TANGO6: variants seen among roughly 807,000 people sequenced by gnomAD.
The protein encoded by TANGO6 is transport and Golgi organization protein 6 homolog.
In TANGO6, 90 loss-of-function variants were observed where a neutral mutation model predicts 114.2. The ratio of observed to expected loss-of-function variants is 0.79; its 90% CI spans 0.66 to 0.94. The LOEUF (loss-of-function observed/expected upper bound fraction) is 0.94. TANGO6 is among the 40% of genes least tolerant of loss of function. The probability of loss-of-function intolerance (pLI) is 0.00; values close to 1 mark genes in which losing one functional copy is unlikely to be tolerated. For synonymous variants in TANGO6, 477 were observed against 509.8 expected (o/e 0.94, Z 0.87); for missense variants, 1,274 against 1,315.3 (o/e 0.97, Z 0.49).
chr16:68,868,187 A>G (rs1430031988), intron 4 of TANGO6, among the ~76,000 whole-genome samples: 1 of 151,908 alleles, frequency 6.6e-6, no homozygotes, highest in Non-Finnish European at 1.5e-5. Context: ...ATTTTCTTGA[A>G]GCCAGAAATA....
At chr16:69,063,674 A>AG (rs1960165641) in intron 17 of TANGO6, among the ~76,000 whole-genome samples, 1 of 147,756 alleles carries the variant, frequency 6.8e-6, no homozygotes, top group Admixed American at 6.8e-5. Flanking sequence ...AAAAAAACAA[A>AG]GTTCTTTGGG....
intron 9 of TANGO6, among the ~76,000 whole-genome samples, chr16:68,904,005 T>A (rs1279772162): frequency 6.6e-6 from 1 of 152,224 alleles, no homozygotes; most frequent in Non-Finnish European, 1.5e-5. Context: ...TTTTTACTTT[T>A]CTGGAATTAA....
chr16:68,973,995 TA>T, intron 14 of TANGO6, 32 bp from the exon 15 acceptor site: 1 of 1,572,142 alleles, frequency 6.4e-7, no homozygotes, highest in Non-Finnish European at 8.6e-7. Context: ...TCGTAAACAG[TA>T]ATGAATCCTT....
At chr16:69,064,227 C>A (rs1960181460) in intron 17 of TANGO6, among the ~76,000 whole-genome samples, 1 of 152,150 alleles carries the variant, frequency 6.6e-6, no homozygotes, top group Non-Finnish European at 1.5e-5. Flanking sequence ...CAAACCCTTA[C>A]CAGAGCCTCT....
In TANGO6 at chr16:69,022,912, G is replaced by A. The variant is rs1304794307; in HGVS notation, c.2927G>A (p.Ser976Asn). 10 of 1,602,486 alleles carry A rather than the reference G, an allele frequency of 6.2e-6. No individual in the cohort carries two copies. Among genetic ancestry groups the A allele is most frequent in the African/African-American group, 5.3e-5 (4 of 74,774 alleles). ...GATCCTGATGGTGCTCACAGGGCCA[G>A]CAGCTTGGCCAACCTTGGGGAGCTG... ...VRDPDGAHRA[S>N]SLANLGELCQ... Residue 976 changes from serine to asparagine, a missense_variant, in exon 16 of 18, where the codon AGC becomes AAC. Coordinates refer to ENST00000261778, the MANE Select transcript of TANGO6 (RefSeq NM_024562.2).
intron 15 of TANGO6, among the ~76,000 whole-genome samples, chr16:68,978,590 A>G (rs537045199): frequency 6.6e-6 from 1 of 152,254 alleles, no homozygotes; most frequent in African/African-American, 2.4e-5. Flanking sequence ...AACATAGCCA[A>G]TATTCTTTGT....
chr16:68,919,267 G>A (rs532221912), intron 12 of TANGO6, 48 bp downstream of exon 12: 15 of 1,592,748 alleles, frequency 9.4e-6, no homozygotes, highest in African/African-American at 5.4e-5. Context: ...AGGGAGAAGC[G>A]AAATACCAGT....
chr16:68,886,491 C>T (rs1015802574), intron 7 of TANGO6, among the ~76,000 whole-genome samples: 5 of 151,722 alleles, frequency 3.3e-5, no homozygotes, highest in South Asian at 2.1e-4. Flanking sequence ...TCCTCCTCAC[C>T]GATCTCATCT....
chr16:69,013,632 A>C (rs1257548195), intron 15 of TANGO6, among the ~76,000 whole-genome samples: 2 of 150,450 alleles, frequency 1.3e-5, no homozygotes, highest in East Asian at 3.9e-4. Flanking sequence ...AAAAAAAAAA[A>C]AGGCGGGGTT....
At chr16:68,864,158 G>C (rs1962142428) in intron 3 of TANGO6, among the ~76,000 whole-genome samples, 1 of 146,990 alleles carries the variant, frequency 6.8e-6, no homozygotes, top group African/African-American at 2.6e-5. Flanking sequence ...TGGGCAACAA[G>C]AGCAAAACTC....
intron 17 of TANGO6, among the ~76,000 whole-genome samples, chr16:69,065,468 C>T (rs986557556): frequency 2.6e-5 from 4 of 152,184 alleles, no homozygotes; most frequent in Admixed American, 6.6e-5. Context: ...AAATATTTCT[C>T]CCTTTTTCTC....
In TANGO6 at chr16:68,928,001, G is replaced by T. The variant is rs533793149; in HGVS notation, c.2561G>T (p.Arg854Leu). Residue 854 changes from arginine (R) to leucine (L), a missense_variant, in exon 13 of 18, where the codon CGG becomes CTG. Around this residue, in one of 5 missense-constraint regions of TANGO6, gnomAD observed 908 missense variants for 910.2 expected, o/e 1.00. Coordinates refer to ENST00000261778, the MANE Select transcript of TANGO6 (RefSeq NM_024562.2). ...GCTTATGACCCTCAAATTCCAACAC[G>T]GGCTGCTGCCCTGCGTACTCTTTCC... ...LSAYDPQIPT[R>L]AAALRTLSHW... 1.9e-6 allele frequency: 3 copies of T among 1,611,776 alleles called. No individual in the cohort carries two copies. Among genetic ancestry groups the T allele is most frequent in the Non-Finnish European group, 2.5e-6 (3 of 1,179,008 alleles).
At chr16:68,878,089 G>T in intron 5 of TANGO6, 29 bp from the exon 6 acceptor site, 1 of 1,585,320 alleles carries the variant, frequency 6.3e-7, no homozygotes, top group Non-Finnish European at 8.6e-7. Flanking sequence ...GCAAAAAACT[G>T]GTATTTACTT....
rs773762965 is a variant in TANGO6 at position 68,909,393 on chromosome 16, C to T, written c.1983C>T (p.Asn661=). 1.1e-5 allele frequency: 17 copies of T among 1,535,254 alleles called. No homozygotes were observed. The highest frequency in any genetic ancestry group is 6.0e-5 in the Admixed American group (3 of 50,024). ...CERMSEQIFT[N]VTQVVDFVAA... The stretch of plus-strand genomic sequence containing the variant: ...GAATGTCTGAGCAGATATTCACAAA[C>T]GTCACTCAGGTCAGTAGTTGCCACA... Residue 661 remains asparagine (N), a synonymous_variant, in exon 11 of 18, where the codon AAC becomes AAT. Coordinates refer to ENST00000261778, the MANE Select transcript of TANGO6 (RefSeq NM_024562.2).
intron 16 of TANGO6, among the ~76,000 whole-genome samples, chr16:69,030,779 C>T (rs550584519): frequency 3.3e-5 from 5 of 152,006 alleles, no homozygotes; most frequent in African/African-American, 1.2e-4. Flanking sequence ...GGGCCGGGCG[C>T]GGTGGCTCAC....
chr16:68,900,544 A>G lies in TANGO6; in HGVS notation c.1488A>G (p.Ile496Met). Residue 496 changes from isoleucine (I) to methionine (M), a missense_variant and splice_region_variant, in exon 8 of 18, where the codon ATA (isoleucine) becomes ATG (methionine). Physicochemically the swap from Ile to Met is conservative, Grantham distance 10 (BLOSUM62 1). Transcript: ENST00000261778. ...TTACTAAGCAGAGTGTGTCTCACATAAGGTAAACAATCAAGGGACCCTTAT... is the reference window on the plus strand; with the variant it reads ...TTACTAAGCAGAGTGTGTCTCACATGAGGTAAACAATCAAGGGACCCTTAT... ...YCFTKQSVSHIRSLCQEILLW... is the reference protein window; with the variant it reads ...YCFTKQSVSHMRSLCQEILLW... 2 of 1,607,542 alleles carry G rather than the reference A, an allele frequency of 1.2e-6. No homozygotes were observed. Among genetic ancestry groups the G allele is most frequent in the South Asian group, 2.2e-5 (2 of 90,206 alleles).
intron 16 of TANGO6, among the ~76,000 whole-genome samples, chr16:69,038,395 A>C (rs1417917429): frequency 6.6e-6 from 1 of 151,824 alleles, no homozygotes; most frequent in Non-Finnish European, 1.5e-5. Context: ...GTACCACTGC[A>C]CTCCAGCCTG....
intron 14 of TANGO6, among the ~76,000 whole-genome samples, chr16:68,964,849 G>A (rs1414329023): frequency 2.6e-5 from 4 of 151,960 alleles, no homozygotes; most frequent in Non-Finnish European, 4.4e-5. Flanking sequence ...GATTACAGGC[G>A]TGAGCCACTG....
chr16:69,009,692 T>C (rs1005248294), intron 15 of TANGO6, among the ~76,000 whole-genome samples: 9 of 152,226 alleles, frequency 5.9e-5, no homozygotes, highest in Non-Finnish European at 1.3e-4. Context: ...GGGATGTCTT[T>C]CCATTTATTT....
Sources: gnomAD v4.1 joint callset for allele counts (sites outside exome capture counted in the v4.1 genomes callset) on GRCh38, gnomAD v4.1.1 for gene constraint, gnomAD v4.1.1 regional missense constraint, MANE v1.5 for transcripts, NCBI Gene and HGNC (gene_info 2026-07-23, HGNC 2026-07-21) for gene names.